Variants in USH2A observed in about 807,000 individuals in gnomAD.
The protein encoded by USH2A is Usher syndrome 2A (autosomal recessive, mild).
A neutral mutation model predicts 538.9 loss-of-function variants in USH2A; 443 were observed. The ratio of observed to expected loss-of-function variants is 0.82; its 90% CI spans 0.76 to 0.89. The LOEUF is 0.89. Ranked by LOEUF, USH2A falls within the 40% of genes least tolerant of loss-of-function variation. The pLI, the probability that USH2A is intolerant of heterozygous loss-of-function variation, is 0.00. For missense variants in USH2A, 6,633 were observed against 6,324.8 expected (o/e 1.05, Z -1.65); for synonymous variants, 2,413 against 2,273.5 (o/e 1.06, Z -1.75).
chr1:215,683,060 C>T (rs2820677), intron 61 of USH2A, among the ~76,000 whole-genome samples: 106,869 of 151,636 alleles, frequency 0.7, 37,939 homozygotes, highest in East Asian at 0.9. Flanking sequence ...TCTTTCTTTC[C>T]TTTTTTTGTA....
intron 58 of USH2A, among the ~76,000 whole-genome samples, chr1:215,751,634 AT>A (rs1487477113): frequency 2.6e-5 from 4 of 152,070 alleles, no homozygotes; most frequent in Non-Finnish European, 5.9e-5. Context: ...ATTTTCCATA[AT>A]TTTTCACCTA....
intron 21 of USH2A, chr1:216,174,201 A>G (rs183900846): frequency 1.0e-5 from 10 of 985,188 alleles, no homozygotes; most frequent in Non-Finnish European, 1.2e-5. Flanking sequence ...ATTCCATTTC[A>G]TTGTCTTCAC....
intron 45 of USH2A, among the ~76,000 whole-genome samples, 188 bp from the exon 46 acceptor site, chr1:215,844,684 A>G (rs894490914): frequency 1.3e-5 from 2 of 152,192 alleles, no homozygotes; most frequent in African/African-American, 4.8e-5. Context: ...AAACCATAAG[A>G]ATTGGTGGTA....
At position 215,643,083 on chromosome 1, in the gene USH2A, C is replaced by T. The variant is rs142229867; in HGVS notation, c.14792-2349G>A. On this transcript the variant is annotated intron_variant, in intron 67 of 71. Transcript: ENST00000307340. The stretch of plus-strand genomic sequence containing the variant: ...CTATCTCGGCTCACTGCAACCTCCG[C>T]CTCCCAGGTTCAAGTGATTCTCACT... 4.3e-4 allele frequency among the ~76,000 whole-genome samples: 65 copies of T among 152,232 alleles called. 2 individuals carry two copies. The East Asian group carries it at 7.7e-3, about 18-fold the overall frequency.
At chr1:216,264,939 G>A (rs544879997) in intron 11 of USH2A, among the ~76,000 whole-genome samples, 18 of 152,086 alleles carry the variant, frequency 1.2e-4, no homozygotes, top group South Asian at 2.1e-4. Flanking sequence ...ACTCTTCAAC[G>A]TAAGACCCAA....
intron 63 of USH2A, among the ~76,000 whole-genome samples, chr1:215,671,845 A>G (rs1013766183): frequency 6.6e-6 from 1 of 152,070 alleles, no homozygotes; most frequent in African/African-American, 2.4e-5. Context: ...TCATGGAATG[A>G]TCCCCCAGGA....
chr1:215,724,071 G>GATATCTATATCTATATCT (rs71159882), intron 61 of USH2A, among the ~76,000 whole-genome samples: 1 of 150,808 alleles, frequency 6.6e-6, no homozygotes, highest in African/African-American at 2.4e-5. Flanking sequence ...AACAGAATGT[G>GATATCTATATCTATATCT]ATATCTATAT....
In USH2A at chr1:216,324,366, G is replaced by A; in HGVS notation, c.1144-14C>T. Reference sequence around the variant, plus strand: ...AATATAAAACACCTGAAAATGGAAAGTTAATTAATGTAATTAAAGTTTTAA... The same window carrying A: ...AATATAAAACACCTGAAAATGGAAAATTAATTAATGTAATTAAAGTTTTAA... On this transcript the variant is annotated splice_polypyrimidine_tract_variant and intron_variant, in intron 6 of 71. Coordinates refer to ENST00000307340, the MANE Select transcript of USH2A (RefSeq NM_206933.4). 1 of 1,596,484 alleles carries A rather than the reference G, an allele frequency of 6.3e-7. No individual in the cohort carries two copies. Among genetic ancestry groups the A allele is most frequent in the African/African-American group, 1.3e-5 (1 of 74,596 alleles).
intron 32 of USH2A, among the ~76,000 whole-genome samples, chr1:216,032,608 A>G (rs1669153641): frequency 1.3e-5 from 2 of 152,178 alleles, no homozygotes; most frequent in African/African-American, 4.8e-5. Flanking sequence ...AGAAAAGGAA[A>G]TGAATCCTGG....
At chr1:216,232,446 G>C (rs568525565) in intron 13 of USH2A, among the ~76,000 whole-genome samples, 2 of 152,288 alleles carry the variant, frequency 1.3e-5, no homozygotes, top group South Asian at 4.1e-4. Flanking sequence ...GATATTACCA[G>C]TCATTCAGTT....
chr1:216,037,039 C>T (rs896292153), intron 32 of USH2A, among the ~76,000 whole-genome samples: 9 of 152,160 alleles, frequency 5.9e-5, no homozygotes, highest in Middle Eastern at 3.2e-3. Context: ...CTTAGTCCAT[C>T]TCTGAATAAC....
chr1:216,413,996 T>C (rs1388480518), intron 3 of USH2A, among the ~76,000 whole-genome samples: 1 of 152,158 alleles, frequency 6.6e-6, no homozygotes, highest in Admixed American at 6.6e-5. Flanking sequence ...CTTATTTCCA[T>C]ATTGTTTTAC....
chr1:215,960,057 A>C (rs1359384370), intron 37 of USH2A, among the ~76,000 whole-genome samples: 1 of 152,184 alleles, frequency 6.6e-6, no homozygotes, highest in South Asian at 2.1e-4. Context: ...GAAGTCTAGT[A>C]GTAAAGAAGC....
chr1:216,281,865 G>GTTTTTTTTTT (rs766030449), intron 11 of USH2A, among the ~76,000 whole-genome samples: 70 of 96,450 alleles, frequency 7.3e-4, no homozygotes, highest in East Asian at 1.0e-3. Context: ...GTTTTTGTCT[G>GTTTTTTTTTT]TTTTTTTTTT....
intron 30 of USH2A, among the ~76,000 whole-genome samples, chr1:216,063,463 T>C (rs1303422190): frequency 6.6e-6 from 1 of 152,188 alleles, no homozygotes; most frequent in Non-Finnish European, 1.5e-5. Context: ...AAGATTACCT[T>C]CTACCTATGT....
chr1:216,246,674 G>A lies in USH2A; in HGVS notation c.2720C>T (p.Thr907Ile), dbSNP rs932726287. Residue 907 changes from threonine to isoleucine, a missense_variant, in exon 13 of 72, where the codon ACA becomes ATA. Coordinates refer to ENST00000307340, the MANE Select transcript of USH2A (RefSeq NM_206933.4). ...TGGGTCACAAATGGTCCCAGGTAAT[G>A]TCCCCAAGGAATCACACTCACACAT... ...CQMCECDSLG[T>I]LPGTICDPIS... 2.5e-6 allele frequency: 4 copies of A among 1,613,986 alleles called. No homozygotes were observed. The highest frequency in any genetic ancestry group is 1.7e-5 in the Admixed American group (1 of 59,982).
intron 40 of USH2A, among the ~76,000 whole-genome samples, chr1:215,895,751 G>A (rs1374206091): frequency 6.6e-6 from 1 of 152,198 alleles, no homozygotes; most frequent in Non-Finnish European, 1.5e-5. Context: ...GTACAGTCTT[G>A]TGTCACCTAA....
chr1:216,300,912 C>T (rs1035483262), intron 9 of USH2A, among the ~76,000 whole-genome samples: 1 of 151,756 alleles, frequency 6.6e-6, no homozygotes, highest in Admixed American at 6.6e-5. Flanking sequence ...CCATGCCCAG[C>T]TAATTTTTGT....
intron 34 of USH2A, among the ~76,000 whole-genome samples, chr1:215,997,249 C>A (rs1173982187): frequency 6.6e-6 from 1 of 152,022 alleles, no homozygotes; most frequent in Non-Finnish European, 1.5e-5. Context: ...ATAATGTGAG[C>A]AAGTTTATTT....
Sources: allele counts gnomAD v4.1 joint callset (sites outside exome capture counted in the v4.1 genomes callset), GRCh38; gene constraint gnomAD v4.1.1; transcripts MANE v1.5; gene names NCBI Gene and HGNC (gene_info 2026-07-23, HGNC 2026-07-21).